The following PTPN4 variants were observed in gnomAD, a reference collection of about 807,000 sequenced individuals.
PTPN4 encodes the protein tyrosine-protein phosphatase non-receptor type 4.
PTPN4 carries 49 observed loss-of-function variants against 135.5 expected under a neutral mutation model. The observed-to-expected ratio is 0.36, with a 90% CI of 0.29 to 0.46. The LOEUF (loss-of-function observed/expected upper bound fraction) is 0.46, where lower values mean the gene tolerates loss of function less well. PTPN4 is among the 20% of genes least tolerant of loss of function. PTPN4 has a pLI of 1.00. For missense variants in PTPN4, 860 were observed against 1,101.0 expected, an observed-to-expected ratio of 0.78 and a Z score of 3.10; for synonymous variants, 333 against 369.9, an observed-to-expected ratio of 0.90 and a Z score of 1.14.
chr2:119,974,844 TC>T (rs1679590447), intron 26 of PTPN4, among the ~76,000 whole-genome samples: 1 of 152,202 alleles, frequency 6.6e-6, no homozygotes, highest in African/African-American at 2.4e-5. Flanking sequence ...TGCTTATGCT[TC>T]CAATACAAAT....
chr2:119,940,189 C>T (rs1258132489), intron 15 of PTPN4, among the ~76,000 whole-genome samples: 1 of 152,178 alleles, frequency 6.6e-6, no homozygotes, highest in African/African-American at 2.4e-5. Context: ...TTACTCATAT[C>T]CCTGATAGTT....
At chr2:119,788,247 T>C (rs1479138380) in intron 1 of PTPN4, among the ~76,000 whole-genome samples, 4 of 152,080 alleles carry the variant, frequency 2.6e-5, no homozygotes, top group Admixed American at 6.6e-5. Context: ...AGAAATCCAA[T>C]TGAGTGTATT....
At chr2:119,970,249 A>T (rs1360765084) in intron 26 of PTPN4, among the ~76,000 whole-genome samples, 1 of 151,744 alleles carries the variant, frequency 6.6e-6, no homozygotes, top group African/African-American at 2.4e-5. Context: ...TAGTAGACAC[A>T]GGGTCTCTCC....
At chr2:119,975,407 T>C (rs1679600294) in intron 26 of PTPN4, among the ~76,000 whole-genome samples, 1 of 152,166 alleles carries the variant, frequency 6.6e-6, no homozygotes, top group African/African-American at 2.4e-5. Context: ...TGAGCCACCA[T>C]GGCCAGCCAA....
intron 9 of PTPN4, among the ~76,000 whole-genome samples, chr2:119,895,263 T>C (rs1030195402): frequency 3.3e-5 from 5 of 152,372 alleles, no homozygotes; most frequent in South Asian, 4.1e-4. Flanking sequence ...GTTGTTCTTA[T>C]GTACATCATA....
At chr2:119,910,663 T>C (rs897584953) in intron 10 of PTPN4, among the ~76,000 whole-genome samples, 1 of 152,154 alleles carries the variant, frequency 6.6e-6, no homozygotes. Flanking sequence ...GTTCTCATGA[T>C]AATGAGTGAG....
chr2:119,809,770 G>A (rs1353855370), intron 1 of PTPN4, 67 bp from the exon 2 acceptor site: 2 of 1,315,088 alleles, frequency 1.5e-6, no homozygotes, highest in East Asian at 4.8e-5. Context: ...TAATAACTTT[G>A]CCTTTTAAAC....
intron 2 of PTPN4, among the ~76,000 whole-genome samples, chr2:119,843,224 T>C (rs1051833888): frequency 3.0e-4 from 45 of 148,226 alleles, no homozygotes; most frequent in African/African-American, 6.7e-4. Context: ...TTTTCTTTTT[T>C]TTTTTTTTTT....
At position 119,983,573 on chromosome 2, in the gene PTPN4, C is replaced by T. The variant is rs1679725326; in HGVS notation, c.*6503C>T. The stretch of plus-strand genomic sequence containing the variant: ...TGATTTTTTGAATTTTAAATAGTTG[C>T]ACTTTATTTCATGCTGACCACCAAC... On this transcript the variant is annotated 3_prime_UTR_variant, in exon 27 of 27. Transcript: ENST00000263708. The T allele has an allele frequency of 6.6e-6, 1 of 152,088 alleles. No homozygotes were observed. The highest frequency in any genetic ancestry group is 2.1e-4 in the South Asian group (1 of 4,830). The allele number at this position is 152,088 out of a possible 1,614,324, so 9.4% of individuals were successfully genotyped here. A position where few individuals can be genotyped will look rare whatever the true frequency, so the allele number is the denominator to read the frequency against.
At chr2:119,809,085 G>A (rs1558732616) in intron 1 of PTPN4, among the ~76,000 whole-genome samples, 1 of 150,748 alleles carries the variant, frequency 6.6e-6, no homozygotes, top group African/African-American at 2.4e-5. Context: ...TGTTTTAAGA[G>A]TTTTTTTTTC....
intron 1 of PTPN4, among the ~76,000 whole-genome samples, chr2:119,778,326 C>A (rs1199072287): frequency 6.6e-6 from 1 of 152,074 alleles, no homozygotes; most frequent in Non-Finnish European, 1.5e-5. Context: ...AAGAGTAGTT[C>A]TTTGACTCAC....
intron 2 of PTPN4, among the ~76,000 whole-genome samples, chr2:119,823,539 T>C (rs1222399012): frequency 2.6e-5 from 4 of 152,200 alleles, no homozygotes; most frequent in African/African-American, 9.6e-5. Flanking sequence ...AGCCCATCTG[T>C]TTCTTACATA....
At chr2:119,912,254 G>T (rs543173853) in intron 10 of PTPN4, among the ~76,000 whole-genome samples, 14 of 152,296 alleles carry the variant, frequency 9.2e-5, no homozygotes, top group African/African-American at 2.6e-4. Context: ...GTTGGTCAGT[G>T]GTTACGTAGG....
intron 3 of PTPN4, among the ~76,000 whole-genome samples, chr2:119,871,812 G>A (rs1310475687): frequency 5.3e-5 from 8 of 152,048 alleles, no homozygotes; most frequent in Admixed American, 5.2e-4. Flanking sequence ...TCTAAACTTG[G>A]CTATGCTTCC....
In PTPN4 at chr2:119,819,872, T is replaced by A. The variant is rs571159687; in HGVS notation, c.138+9881T>A. On this transcript the variant is annotated intron_variant, in intron 2 of 26. Transcript: ENST00000263708. The stretch of plus-strand genomic sequence containing the variant: ...ATACTTGGCTGTTGTTTTTTTTGTT[T>A]TGTTTAGAGACAGTGTCTTGCTCTA... Among the ~76,000 whole-genome samples, 3 of 152,358 alleles carry A rather than the reference T, an allele frequency of 2.0e-5. No individual in the cohort carries two copies. The East Asian group carries it at 5.8e-4, about 29-fold the overall frequency.
intron 1 of PTPN4, among the ~76,000 whole-genome samples, chr2:119,765,645 G>C (rs1034799470): frequency 1.7e-4 from 26 of 152,178 alleles, no homozygotes; most frequent in Non-Finnish European, 1.8e-4. Context: ...CATGATTCTT[G>C]TCCTTGAGCT....
At chr2:119,879,049 C>T (rs1490869197) in intron 5 of PTPN4, among the ~76,000 whole-genome samples, 1 of 149,636 alleles carries the variant, frequency 6.7e-6, no homozygotes, top group African/African-American at 2.5e-5. Flanking sequence ...GCCGAGATCA[C>T]GCCACTGCAC....
chr2:119,957,168 T>G, intron 22 of PTPN4, 91 bp downstream of exon 22: 1 of 1,173,708 alleles, frequency 8.5e-7, no homozygotes, highest in Non-Finnish European at 1.2e-6. Flanking sequence ...CTGACCTGGA[T>G]AGAATATTAA....
intron 26 of PTPN4, among the ~76,000 whole-genome samples, chr2:119,968,717 G>A (rs925701916): frequency 1.3e-5 from 2 of 152,068 alleles, no homozygotes; most frequent in Non-Finnish European, 2.9e-5. Flanking sequence ...GCGTGAACCC[G>A]GGAGGCGGAG....
Sources: gnomAD v4.1 joint callset for allele counts (sites outside exome capture counted in the v4.1 genomes callset) on GRCh38, gnomAD v4.1.1 for gene constraint, MANE v1.5 for transcripts, NCBI Gene and HGNC (gene_info 2026-07-23, HGNC 2026-07-21) for gene names.